AGBL1: variants seen among roughly 807,000 people sequenced by gnomAD.
AGBL1 encodes AGBL carboxypeptidase 1, also known as cytosolic carboxypeptidase 4.
In AGBL1, 130 loss-of-function variants were observed where a neutral mutation model predicts 118.9. That is an observed-to-expected ratio of 1.09 (90% CI 0.95 to 1.26). The LOEUF is 1.26. AGBL1 is among the 50% of genes most tolerant of loss of function. The probability of loss-of-function intolerance (pLI) is 0.00; values close to 1 mark genes in which losing one functional copy is unlikely to be tolerated. For synonymous variants in AGBL1, 555 were observed against 478.9 expected (o/e 1.16, Z -2.08); for missense variants, 1,584 against 1,298.1 (o/e 1.22, Z -3.38).
At chr15:86,708,003 A>T (rs2086483369) in intron 22 of AGBL1, among the ~76,000 whole-genome samples, 1 of 152,096 alleles carries the variant, frequency 6.6e-6, no homozygotes. Context: ...TTGACATTCC[A>T]TTTAACTTGT....
At chr15:86,171,173 C>T (rs767296021) in intron 5 of AGBL1, among the ~76,000 whole-genome samples, 18 of 152,128 alleles carry the variant, frequency 1.2e-4, no homozygotes, top group Non-Finnish European at 1.6e-4. Context: ...GAAAATGATA[C>T]GAGTGGAAAG....
At chr15:86,525,441 A>T (rs2083250083) in intron 19 of AGBL1, among the ~76,000 whole-genome samples, 1 of 152,154 alleles carries the variant, frequency 6.6e-6, no homozygotes, top group South Asian at 2.1e-4. Flanking sequence ...AACCTTAGCA[A>T]AAAGAATAAT....
At chr15:86,604,466 G>A (rs1462298848) in intron 21 of AGBL1, among the ~76,000 whole-genome samples, 1 of 152,164 alleles carries the variant, frequency 6.6e-6, no homozygotes, top group Non-Finnish European at 1.5e-5. Flanking sequence ...TTCAATCCAT[G>A]TTTTCTGATC....
At chr15:86,271,042 C>CA (rs2079152422) in intron 14 of AGBL1, among the ~76,000 whole-genome samples, 1 of 66,694 alleles carries the variant, frequency 1.5e-5, no homozygotes, top group Non-Finnish European at 2.7e-5. Flanking sequence ...AGTCACGTTG[C>CA]ATTTTTTTTT....
At chr15:86,565,176 A>G (rs2083894347) in intron 21 of AGBL1, among the ~76,000 whole-genome samples, 1 of 152,184 alleles carries the variant, frequency 6.6e-6, no homozygotes, top group Non-Finnish European at 1.5e-5. Context: ...GCTGGCGAGG[A>G]GCTGCGTTCC....
At chr15:86,575,165 G>A (rs1240051151) in intron 21 of AGBL1, among the ~76,000 whole-genome samples, 1 of 151,740 alleles carries the variant, frequency 6.6e-6, no homozygotes, top group Non-Finnish European at 1.5e-5. Context: ...CTCCTGCCTG[G>A]GTGACAGAGG....
intron 21 of AGBL1, among the ~76,000 whole-genome samples, chr15:86,555,012 C>G (rs1596259929): frequency 6.6e-6 from 1 of 152,162 alleles, no homozygotes; most frequent in African/African-American, 2.4e-5. Context: ...CCTGCTGTCT[C>G]CAGAGCACAC....
intron 19 of AGBL1, among the ~76,000 whole-genome samples, chr15:86,532,216 A>G (rs12438097): frequency 0.68 from 99,609 of 147,538 alleles, 35,623 homozygotes; most frequent in African/African-American, 0.92. Context: ...AAACCCCATC[A>G]TCTCAGCCCA....
intron 21 of AGBL1, among the ~76,000 whole-genome samples, chr15:86,655,250 A>C (rs529007786): frequency 6.6e-6 from 1 of 152,286 alleles, no homozygotes; most frequent in East Asian, 1.9e-4. Flanking sequence ...TTAAATCCTG[A>C]ATATCTATTA....
intron 22 of AGBL1, among the ~76,000 whole-genome samples, chr15:86,827,430 CACATATATATATGTGTGTGTATATATAT>C: frequency 2.5e-4 from 1 of 3,940 alleles, no homozygotes; most frequent in African/African-American, 6.9e-4. Context: ...TATATATATA[CACATATATATATGTGTGTGTATATATAT>C]ATATATATAT....
intron 18 of AGBL1, among the ~76,000 whole-genome samples, chr15:86,519,366 C>T (rs1388767017): frequency 6.6e-6 from 1 of 152,166 alleles, no homozygotes; most frequent in African/African-American, 2.4e-5. Flanking sequence ...TGTCCATCTG[C>T]TAATTCTCCC....
At chr15:86,556,198 C>T (rs775251090) in intron 21 of AGBL1, 2 of 1,595,712 alleles carry the variant, frequency 1.3e-6, no homozygotes, top group Non-Finnish European at 1.7e-6. Context: ...TAGGTTCAGG[C>T]CCTCACCAAC....
chr15:86,961,007 A>G (rs117520722), intron 23 of AGBL1, among the ~76,000 whole-genome samples: 10 of 152,192 alleles, frequency 6.6e-5, no homozygotes, highest in Non-Finnish European at 1.0e-4. Context: ...CTAGAGACTT[A>G]ATGTAAAGCA....
intron 23 of AGBL1, among the ~76,000 whole-genome samples, chr15:86,937,634 C>G (rs1000745013): frequency 6.6e-6 from 1 of 152,108 alleles, no homozygotes; most frequent in African/African-American, 2.4e-5. Flanking sequence ...ACAATAGACA[C>G]TGAGTTCTAC....
chr15:86,139,619 G>A (rs1272540751), intron 1 of AGBL1, among the ~76,000 whole-genome samples: 3 of 152,090 alleles, frequency 2.0e-5, no homozygotes, highest in African/African-American at 7.2e-5. Flanking sequence ...AATCTCCTGG[G>A]TAAGTGTCTA....
At chr15:86,570,164 G>A (rs1396601218) in intron 21 of AGBL1, among the ~76,000 whole-genome samples, 1 of 152,146 alleles carries the variant, frequency 6.6e-6, no homozygotes, top group Non-Finnish European at 1.5e-5. Flanking sequence ...AGTTGTCATG[G>A]GGTATTCTCT....
intron 21 of AGBL1, among the ~76,000 whole-genome samples, chr15:86,639,460 T>C (rs1313049621): frequency 6.6e-6 from 1 of 152,214 alleles, no homozygotes; most frequent in Non-Finnish European, 1.5e-5. Flanking sequence ...TGGCTAAATG[T>C]GATTTCAGTG....
At chr15:86,191,827 G>A (rs1295203166) in intron 5 of AGBL1, among the ~76,000 whole-genome samples, 6 of 151,058 alleles carry the variant, frequency 4.0e-5, no homozygotes, top group Non-Finnish European at 8.8e-5. Context: ...AGTAATCCTA[G>A]AGCTTTAGGA....
intron 21 of AGBL1, among the ~76,000 whole-genome samples, chr15:86,633,355 T>G (rs1232510960): frequency 6.6e-6 from 1 of 152,160 alleles, no homozygotes; most frequent in Non-Finnish European, 1.5e-5. Context: ...TTTTTTTATG[T>G]AATATGGTCA....
Sources: allele counts gnomAD v4.1 joint callset (sites outside exome capture counted in the v4.1 genomes callset), GRCh38; gene constraint gnomAD v4.1.1; transcripts MANE v1.5; gene names NCBI Gene and HGNC (gene_info 2026-07-23, HGNC 2026-07-21).